TDRD9: variants seen among roughly 807,000 people sequenced by gnomAD.
The protein encoded by TDRD9 is ATP-dependent RNA helicase TDRD9.
A neutral mutation model predicts 172.6 loss-of-function variants in TDRD9; 124 were observed. That is an observed-to-expected ratio of 0.72 (90% CI 0.62 to 0.83). The LOEUF (loss-of-function observed/expected upper bound fraction) is 0.83. TDRD9 is among the 40% of genes least tolerant of loss of function. TDRD9 has a pLI of 0.00. For synonymous variants in TDRD9, 619 were observed against 617.1 expected (o/e 1.00, Z -0.05); for missense variants, 1,479 against 1,714.1 (o/e 0.86, Z 2.42).
intron 24 of TDRD9, among the ~76,000 whole-genome samples, chr14:104,023,210 A>T (rs937240063): frequency 1.3e-5 from 2 of 151,358 alleles, no homozygotes; most frequent in Non-Finnish European, 3.0e-5. Flanking sequence ...AAAAAAAAAA[A>T]AAAAGGATAC....
Position 104,016,074 on chromosome 14 carries a change from A to G in TDRD9, c.2317A>G (p.Lys773Glu). 1.2e-6 allele frequency: 2 copies of G among 1,602,106 alleles called. No individual in the cohort carries two copies. Among genetic ancestry groups the G allele is most frequent in the Non-Finnish European group, 1.7e-6 (2 of 1,174,434 alleles). The change falls in exon 22 of 36, where the codon AAG (lysine) becomes GAG (glutamate). Residue 773 changes from lysine (K) to glutamate (E), a missense_variant. Physicochemically the swap from Lys to Glu is moderately conservative, Grantham distance 56. This residue lies in a region of TDRD9 where 1,413 missense variants were observed against 1,649.1 expected (regional missense o/e 0.86). Transcript: ENST00000409874. Reference sequence around the variant, plus strand: ...GAGGGAGCTGGCTGGCAAGGACCCCAAGACAACTGTCGTGGTAGGTGCTGG... The same window carrying G: ...GAGGGAGCTGGCTGGCAAGGACCCCGAGACAACTGTCGTGGTAGGTGCTGG... Reference protein sequence around the residue: ...AVRELAGKDPKTTVVLKHIPP... With the variant: ...AVRELAGKDPETTVVLKHIPP...
Position 104,006,372 on chromosome 14 carries a change from A to G in TDRD9, c.1714-17A>G, listed in dbSNP as rs1397690457. The G allele has an allele frequency of 1.9e-6, 3 of 1,608,548 alleles. No individual in the cohort carries two copies. Among genetic ancestry groups the G allele is most frequent in the Non-Finnish European group, 2.5e-6 (3 of 1,176,644 alleles). On this transcript the variant is annotated splice_polypyrimidine_tract_variant and intron_variant, in intron 15 of 35. Transcript: ENST00000409874. The stretch of plus-strand genomic sequence containing the variant: ...TAAGTCAGTGCTTGATAATAACACT[A>G]ATTTTATTTTATAAAGGTTGGAGCA...
chr14:103,997,225 TAGG>T lies in TDRD9; in HGVS notation c.1379-1395_1379-1393del, dbSNP rs2034088592. The stretch of plus-strand genomic sequence containing the variant: ...GCAAAGGAGAGAAAAGGAAGAGACT[TAGG>T]AGGGTGTCACAAGAATCTAGGCGAC... On this transcript the variant is annotated intron_variant, in intron 12 of 35. Coordinates refer to ENST00000409874, the MANE Select transcript of TDRD9 (RefSeq NM_153046.3). The surrounding 1 kb of genome is among the most constrained non-coding windows in gnomAD (Gnocchi z 5.1). Among the ~76,000 whole-genome samples the T allele has an allele frequency of 1.3e-5, 2 of 152,006 alleles. No individual in the cohort carries two copies. Among genetic ancestry groups the T allele is most frequent in the African/African-American group, 2.4e-5 (1 of 41,364 alleles).
intron 1 of TDRD9, 200 bp downstream of exon 1, chr14:103,928,924 G>GTTTT: frequency 2.5e-5 from 3 of 117,712 alleles, no homozygotes; most frequent in East Asian, 2.4e-4. Flanking sequence ...TGAGCTAGAG[G>GTTTT]TTTTTTTTTT....
Position 103,987,613 on chromosome 14 carries a change from C to T in TDRD9, c.1115+1293C>T, listed in dbSNP as rs529466707. Among the ~76,000 whole-genome samples the T allele has an allele frequency of 7.4e-4, 112 of 152,254 alleles. 2 individuals are homozygous for T. In the South Asian group the frequency reaches 0.013, roughly 18 times the overall value. On this transcript the variant is annotated intron_variant, in intron 8 of 35. Transcript: ENST00000409874. ...ATTTCATTCTATTGTGGTTGGAGAA[C>T]ATATTTTATATTTTTTCTGTTCTTT...
At chr14:104,036,970 G>T (rs1484458171) in intron 32 of TDRD9, among the ~76,000 whole-genome samples, 2 of 151,454 alleles carry the variant, frequency 1.3e-5, no homozygotes, top group East Asian at 3.9e-4. Context: ...TGGTTTTGTT[G>T]TTGTTTTTTA....
chr14:104,031,041 GATT>G (rs1393099318), intron 28 of TDRD9, 64 bp from the exon 29 acceptor site: 2 of 1,379,178 alleles, frequency 1.5e-6, no homozygotes, highest in African/African-American at 2.9e-5. Flanking sequence ...GAAATATTTT[GATT>G]AGTTTGGAAG....
At position 104,018,043 on chromosome 14, in the gene TDRD9, A is replaced by G. The variant is rs529649203; in HGVS notation, c.2332-49A>G. The G allele has an allele frequency of 1.1e-5, 12 of 1,133,372 alleles. No individual in the cohort carries two copies. In the African/African-American group the frequency reaches 1.4e-4, roughly 13 times the overall value. 70.2% of individuals were successfully genotyped at this position (1,133,372 alleles called of 1,614,324 possible). ...CTTTGAGCTTGTGAATGTTGAAACT[A>G]TTTTGTTAGCTCTAGTAATCTGCTC... On this transcript the variant is annotated intron_variant, in intron 22 of 35. Coordinates refer to ENST00000409874, the MANE Select transcript of TDRD9 (RefSeq NM_153046.3).
At chr14:104,009,729 T>C (rs913152106) in intron 20 of TDRD9, among the ~76,000 whole-genome samples, 2 of 152,182 alleles carry the variant, frequency 1.3e-5, no homozygotes, top group African/African-American at 4.8e-5. Flanking sequence ...ATATTTTCTT[T>C]CTTTATATCC....
At chr14:104,002,334 A>G (rs1022790455) in intron 13 of TDRD9, among the ~76,000 whole-genome samples, 4 of 112,254 alleles carry the variant, frequency 3.6e-5, no homozygotes, top group African/African-American at 1.3e-4. Context: ...AAAAAAAAAA[A>G]AAAGAAAAAA....
intron 8 of TDRD9, 28 bp from the exon 9 acceptor site, chr14:103,991,132 A>G (rs1445641804): frequency 6.2e-7 from 1 of 1,613,724 alleles, no homozygotes; most frequent in Non-Finnish European, 8.5e-7. Context: ...GCCTTCATTA[A>G]TATTTGTGCA....
At chr14:103,975,865 T>G (rs1477940818) in intron 7 of TDRD9, among the ~76,000 whole-genome samples, 1 of 152,196 alleles carries the variant, frequency 6.6e-6, no homozygotes, top group African/African-American at 2.4e-5. Context: ...AAACGATAAG[T>G]TTTTGTCAAC....
intron 32 of TDRD9, among the ~76,000 whole-genome samples, chr14:104,035,428 C>T (rs1184611921): frequency 1.3e-5 from 2 of 152,158 alleles, no homozygotes; most frequent in African/African-American, 2.4e-5. Flanking sequence ...GACAAGAACC[C>T]GTCAGTCCCC....
intron 1 of TDRD9, among the ~76,000 whole-genome samples, chr14:103,953,794 G>A (rs1195810565): frequency 1.3e-5 from 2 of 152,158 alleles, no homozygotes; most frequent in Non-Finnish European, 2.9e-5. Context: ...AGTTCAAAAA[G>A]AGAGTATTTA....
chr14:104,036,510 A>G (rs1410632426), intron 32 of TDRD9, among the ~76,000 whole-genome samples: 2 of 152,230 alleles, frequency 1.3e-5, no homozygotes. Context: ...TGGCTAGTGC[A>G]GAAGCAGGTC....
In TDRD9 at chr14:104,032,156, A is replaced by G. The variant is rs2152252624; in HGVS notation, c.3509+69A>G. The G allele has an allele frequency of 1.5e-5, 14 of 941,714 alleles. No individual in the cohort carries two copies. In the South Asian group the frequency reaches 2.2e-4, roughly 15 times the overall value. The allele number at this position is 941,714 out of a possible 1,614,324, so 58.3% of individuals were successfully genotyped here. Reference sequence around the variant, plus strand: ...TTCTGTTTATAGATCTCATCAGAAAATAATGTATCTTTATATCTAAACTGT... The same window carrying G: ...TTCTGTTTATAGATCTCATCAGAAAGTAATGTATCTTTATATCTAAACTGT... On this transcript the variant is annotated intron_variant, in intron 30 of 35. Transcript: ENST00000409874.
intron 5 of TDRD9, among the ~76,000 whole-genome samples, chr14:103,969,286 G>A (rs963450064): frequency 2.0e-5 from 3 of 151,952 alleles, no homozygotes; most frequent in Admixed American, 2.0e-4. Flanking sequence ...TGTTAGAAAG[G>A]CTGGTGTAGG....
chr14:104,038,056 T>C (rs943555859), intron 32 of TDRD9, among the ~76,000 whole-genome samples: 4 of 152,130 alleles, frequency 2.6e-5, no homozygotes, highest in Non-Finnish European at 5.9e-5. Context: ...ACAAGAACAC[T>C]GTACTCACCT....
chr14:104,000,329 C>CAAAAAA (rs60498436), intron 13 of TDRD9, among the ~76,000 whole-genome samples: 6 of 127,986 alleles, frequency 4.7e-5, no homozygotes, highest in African/African-American at 6.6e-5. Flanking sequence ...AGCCCCGTCT[C>CAAAAAA]AAAAAAAAAA....
Sources: gnomAD v4.1 joint callset for allele counts (sites outside exome capture counted in the v4.1 genomes callset) on GRCh38, gnomAD v4.1.1 for gene constraint, gnomAD v4.1.1 regional missense constraint, Gnocchi (gnomAD v3.1) non-coding constraint, MANE v1.5 for transcripts, NCBI Gene and HGNC (gene_info 2026-07-23, HGNC 2026-07-21) for gene names.